Variants in SLC2A13 observed in about 807,000 individuals in gnomAD.
SLC2A13 encodes the protein proton myo-inositol cotransporter.
Under a neutral mutation model 64.4 loss-of-function variants are expected in SLC2A13, and 32 were observed. The observed-to-expected ratio is 0.50, with a 90% CI of 0.37 to 0.67. The LOEUF (loss-of-function observed/expected upper bound fraction) is 0.67. Ranked by LOEUF, SLC2A13 falls within the 30% of genes least tolerant of loss-of-function variation. The pLI, the probability that SLC2A13 is intolerant of heterozygous loss-of-function variation, is 0.00. For synonymous variants in SLC2A13, 338 were observed against 327.1 expected (o/e 1.03, Z -0.36); for missense variants, 743 against 829.2 (o/e 0.90, Z 1.28).
chr12:39,860,945 T>C (rs1227509327), intron 6 of SLC2A13, among the ~76,000 whole-genome samples: 1 of 152,196 alleles, frequency 6.6e-6, no homozygotes, highest in African/African-American at 2.4e-5. Flanking sequence ...AATTCTTCCA[T>C]GGATTTACGT....
intron 3 of SLC2A13, among the ~76,000 whole-genome samples, chr12:39,978,835 C>G (rs1489097617): frequency 2.0e-5 from 3 of 151,826 alleles, no homozygotes; most frequent in Admixed American, 6.6e-5. Flanking sequence ...CTCAAGGAGG[C>G]CTGCCTGCCT....
In SLC2A13 at chr12:40,105,349, C is replaced by G; in HGVS notation, c.460G>C (p.Ala154Pro). 1 of 1,592,124 alleles carries G rather than the reference C, an allele frequency of 6.3e-7. No homozygotes were observed. The highest frequency in any genetic ancestry group is 8.5e-7 in the Non-Finnish European group (1 of 1,170,648). Residue 154 changes from alanine to proline, a missense_variant, in exon 1 of 10, where the codon GCC (alanine) becomes CCC (proline). By Grantham distance (27) the Ala-to-Pro change is conservative. This residue lies in a region of SLC2A13 where 448 missense variants were observed against 447.4 expected (regional missense o/e 1.00). Coordinates refer to ENST00000280871, the MANE Select transcript of SLC2A13 (RefSeq NM_052885.4). This position sits in a 1 kb window ranked among gnomAD's most constrained non-coding sequence, Gnocchi z 4.2. Reference protein sequence around the residue: ...VFGRRAAILLASALFTAGSAV... With the variant: ...VFGRRAAILLPSALFTAGSAV... ...GAGCCGGCGGTGAAGAGGGCACTGGCCAGGAGGATGGCAGCGCGGCGGCCG... is the reference window on the plus strand; with the variant it reads ...GAGCCGGCGGTGAAGAGGGCACTGGGCAGGAGGATGGCAGCGCGGCGGCCG...
At chr12:39,896,322 ATATGTGTATATATGTATACATATATG>A (rs1944868134) in intron 4 of SLC2A13, among the ~76,000 whole-genome samples, 2 of 86,956 alleles carry the variant, frequency 2.3e-5, no homozygotes, top group Non-Finnish European at 4.6e-5. Flanking sequence ...ATATGTATGT[ATATGTGTATATATGTATACATATATG>A]TATGTATATG....
At chr12:39,967,096 C>T (rs1347296815) in intron 3 of SLC2A13, among the ~76,000 whole-genome samples, 3 of 152,114 alleles carry the variant, frequency 2.0e-5, no homozygotes, top group African/African-American at 7.2e-5. Flanking sequence ...ATTTGAGTTT[C>T]TACTTAGAAA....
Position 39,868,422 on chromosome 12 carries a change from A to G in SLC2A13, c.1198+3376T>C, listed in dbSNP as rs371037631. 2.0e-5 allele frequency among the ~76,000 whole-genome samples: 3 copies of G among 152,216 alleles called. No homozygotes were observed. In the East Asian group the frequency reaches 5.8e-4, roughly 29 times the overall value. On this transcript the variant is annotated intron_variant, in intron 5 of 9. Coordinates refer to ENST00000280871, the MANE Select transcript of SLC2A13 (RefSeq NM_052885.4). ...AAAAAACAAAATAATTTCCCTTCCC[A>G]TGACTCTACCAGAGCAGTAGTTCTC... is the stretch of plus-strand genomic sequence containing the variant.
intron 4 of SLC2A13, among the ~76,000 whole-genome samples, chr12:39,897,441 A>T (rs947795640): frequency 6.6e-6 from 1 of 152,200 alleles, no homozygotes; most frequent in African/African-American, 2.4e-5. Context: ...TTCCACTGCT[A>T]TAAGTAGGAT....
At chr12:39,931,494 C>G (rs539412950) in intron 4 of SLC2A13, among the ~76,000 whole-genome samples, 1 of 152,280 alleles carries the variant, frequency 6.6e-6, no homozygotes, top group Non-Finnish European at 1.5e-5. Flanking sequence ...TTCCTTTATT[C>G]TACTCTCATC....
intron 7 of SLC2A13, among the ~76,000 whole-genome samples, chr12:39,792,360 C>T (rs909969033): frequency 6.6e-6 from 1 of 151,548 alleles, no homozygotes; most frequent in African/African-American, 2.4e-5. Context: ...GCAACAAAAG[C>T]CAAAATTGAC....
chr12:39,865,719 C>T (rs1369795938), intron 5 of SLC2A13, among the ~76,000 whole-genome samples: 2 of 152,170 alleles, frequency 1.3e-5, no homozygotes, highest in Non-Finnish European at 2.9e-5. Context: ...AGATCATGTC[C>T]TTTGCAGCAA....
intron 7 of SLC2A13, among the ~76,000 whole-genome samples, chr12:39,816,242 C>T (rs562655424): frequency 1.1e-4 from 17 of 152,134 alleles, no homozygotes; most frequent in African/African-American, 4.1e-4. Flanking sequence ...TAAAACAGCA[C>T]ATTTCTTCTA....
At chr12:39,889,253 T>G (rs1001164878) in intron 4 of SLC2A13, among the ~76,000 whole-genome samples, 2 of 152,092 alleles carry the variant, frequency 1.3e-5, no homozygotes, top group African/African-American at 4.8e-5. Flanking sequence ...AACCCCAAAT[T>G]TGTTATCAAT....
intron 4 of SLC2A13, among the ~76,000 whole-genome samples, chr12:39,909,790 A>T (rs1459514228): frequency 6.6e-6 from 1 of 151,954 alleles, no homozygotes; most frequent in Non-Finnish European, 1.5e-5. Flanking sequence ...AACGAGAAAC[A>T]GTAGGTAATT....
At chr12:39,886,821 T>C (rs1018408980) in intron 4 of SLC2A13, among the ~76,000 whole-genome samples, 2 of 152,094 alleles carry the variant, frequency 1.3e-5, no homozygotes, top group African/African-American at 4.8e-5. Flanking sequence ...ACTTGCAGAG[T>C]TGGAACTGAG....
At chr12:39,907,676 G>T (rs1945323180) in intron 4 of SLC2A13, 1 of 152,146 alleles carries the variant, frequency 6.6e-6, no homozygotes, top group Non-Finnish European at 1.5e-5. Flanking sequence ...AGAATGAGGT[G>T]CATCTCACCA....
rs574522256 is a variant in SLC2A13, at chr12:39,998,534, T to G, written c.925+29767A>C. ...TTTTGGAGCTTTAAATATTTGGCTG[T>G]CTCACTGCATTTCAGACTTGTGTGA... On this transcript the variant is annotated intron_variant, in intron 3 of 9. Coordinates refer to ENST00000280871, the MANE Select transcript of SLC2A13 (RefSeq NM_052885.4). Among the ~76,000 whole-genome samples the G allele has an allele frequency of 2.0e-5, 3 of 152,330 alleles. No homozygotes were observed. In the South Asian group the frequency reaches 6.2e-4, roughly 32 times the overall value.
At chr12:39,863,247 A>G (rs1228744806) in intron 6 of SLC2A13, among the ~76,000 whole-genome samples, 1 of 152,164 alleles carries the variant, frequency 6.6e-6, no homozygotes, top group African/African-American at 2.4e-5. Flanking sequence ...CAGACTGATG[A>G]TCATAAACTG....
chr12:39,837,258 A>T (rs1423916473), intron 6 of SLC2A13, among the ~76,000 whole-genome samples: 2 of 150,754 alleles, frequency 1.3e-5, no homozygotes, highest in African/African-American at 4.9e-5. Context: ...CCTATTTAAT[A>T]AATGGTGCTG....
chr12:39,825,042 C>T (rs1942631237), intron 7 of SLC2A13, among the ~76,000 whole-genome samples: 1 of 152,118 alleles, frequency 6.6e-6, no homozygotes, highest in Non-Finnish European at 1.5e-5. Flanking sequence ...CAGAGTGCAG[C>T]TTTGAGAAAA....
chr12:39,993,887 A>G (rs1591988272), intron 3 of SLC2A13, among the ~76,000 whole-genome samples: 1 of 152,322 alleles, frequency 6.6e-6, no homozygotes, highest in South Asian at 2.1e-4. Context: ...TTTCTTATCT[A>G]CTTAAATATC....
Sources: allele counts gnomAD v4.1 joint callset (sites outside exome capture counted in the v4.1 genomes callset), GRCh38; gene constraint gnomAD v4.1.1; regional missense constraint gnomAD v4.1.1; non-coding constraint Gnocchi (gnomAD v3.1); transcripts MANE v1.5; gene names NCBI Gene and HGNC (gene_info 2026-07-23, HGNC 2026-07-21).